Variants in VTI1A observed in about 807,000 individuals in gnomAD.
VTI1A encodes vesicle transport through interaction with t-SNAREs 1A.
A neutral mutation model predicts 34.9 loss-of-function variants in VTI1A; 22 were observed. The ratio of observed to expected loss-of-function variants is 0.63; its 90% CI spans 0.45 to 0.90. VTI1A has a LOEUF of 0.90. VTI1A is among the 40% of genes least tolerant of loss of function. VTI1A has a pLI of 0.00. For missense variants in VTI1A, 268 were observed against 275.6 expected, an observed-to-expected ratio of 0.97 and a Z score of 0.20; for synonymous variants, 87 against 97.3, an observed-to-expected ratio of 0.89 and a Z score of 0.62.
At position 112,770,662 on chromosome 10, in the gene VTI1A, T is replaced by C. The variant is rs1267455324; in HGVS notation, c.561-44628T>C. ...ACCTCGTGATCCACCCGACTCCACCTCCCAAAGTGCTGGGATTACAGGCTT... is the reference window on the plus strand; with the variant it reads ...ACCTCGTGATCCACCCGACTCCACCCCCCAAAGTGCTGGGATTACAGGCTT... On this transcript the variant is annotated intron_variant, in intron 7 of 7. Coordinates refer to ENST00000393077, the MANE Select transcript of VTI1A (RefSeq NM_145206.4). 3.3e-5 allele frequency among the ~76,000 whole-genome samples: 5 copies of C among 151,940 alleles called. No homozygotes were observed. The East Asian group carries it at 9.7e-4, about 30-fold the overall frequency.
chr10:112,648,493 A>G (rs1450513592), intron 5 of VTI1A, among the ~76,000 whole-genome samples: 1 of 152,210 alleles, frequency 6.6e-6, no homozygotes. Flanking sequence ...ACCATGATAA[A>G]TTAATTAAAT....
chr10:112,546,049 C>A (rs143339908), intron 5 of VTI1A, among the ~76,000 whole-genome samples: 1 of 145,154 alleles, frequency 6.9e-6, no homozygotes, highest in African/African-American at 2.7e-5. Context: ...TGTGTATATA[C>A]GTGTATACGC....
intron 5 of VTI1A, among the ~76,000 whole-genome samples, chr10:112,545,077 T>C (rs1851027178): frequency 6.6e-6 from 1 of 152,308 alleles, no homozygotes; most frequent in African/African-American, 2.4e-5. Context: ...ATTATAGTAA[T>C]CCAAGATTTG....
the VTI1A span, among the ~76,000 whole-genome samples, chr10:112,833,906 A>G: frequency 1.3e-5 from 2 of 152,180 alleles, no homozygotes; most frequent in South Asian, 2.1e-4. Context: ...CTATCCCTCC[A>G]AAGGGCTTCT....
intron 5 of VTI1A, among the ~76,000 whole-genome samples, chr10:112,613,558 A>G (rs1326187630): frequency 6.6e-6 from 1 of 151,626 alleles, no homozygotes; most frequent in Non-Finnish European, 1.5e-5. Context: ...CTCTTTTTGT[A>G]TCCCCTCTTT....
At chr10:112,583,184 C>T (rs1844016421) in intron 5 of VTI1A, among the ~76,000 whole-genome samples, 1 of 152,138 alleles carries the variant, frequency 6.6e-6, no homozygotes, top group Non-Finnish European at 1.5e-5. Context: ...TTCTCTTGTG[C>T]CTTCTGGCCC....
chr10:112,504,920 A>T (rs1691382839), intron 3 of VTI1A, among the ~76,000 whole-genome samples: 1 of 151,014 alleles, frequency 6.6e-6, no homozygotes, highest in South Asian at 2.1e-4. Context: ...AACCGTTCTT[A>T]TGCTTTGCTA....
At chr10:112,674,965 T>G (rs1197438708) in intron 7 of VTI1A, among the ~76,000 whole-genome samples, 1 of 152,206 alleles carries the variant, frequency 6.6e-6, no homozygotes, top group Non-Finnish European at 1.5e-5. Flanking sequence ...TTCCATTTCT[T>G]CTGTGAAATA....
chr10:112,767,500 C>T lies in VTI1A; in HGVS notation c.561-47790C>T, dbSNP rs1219329075. Among the ~76,000 whole-genome samples, 1 of 152,132 alleles carries T rather than the reference C, an allele frequency of 6.6e-6. No homozygotes were observed. Among genetic ancestry groups the T allele is most frequent in the Non-Finnish European group, 1.5e-5 (1 of 68,032 alleles). On this transcript the variant is annotated intron_variant, in intron 7 of 7. Transcript: ENST00000393077. This position sits in a 1 kb window ranked among gnomAD's most constrained non-coding sequence, Gnocchi z 4.0. ...AGTAAAATCTGTCAGATTAAAAGCA[C>T]AAGGAGAGAAACCATTCTAGTGTAT...
chr10:112,701,121 T>A (rs1409097868), intron 7 of VTI1A, among the ~76,000 whole-genome samples: 1 of 152,264 alleles, frequency 6.6e-6, no homozygotes, highest in African/African-American at 2.4e-5. Context: ...TTGGTGAGTC[T>A]GAATGGCATT....
At chr10:112,477,612 A>AG (rs1224504862) in intron 3 of VTI1A, among the ~76,000 whole-genome samples, 1 of 152,252 alleles carries the variant, frequency 6.6e-6, no homozygotes, top group African/African-American at 2.4e-5. Flanking sequence ...CATTATTAAA[A>AG]TGGAGAAAGA....
chr10:112,735,597 T>C (rs1011838293), intron 7 of VTI1A, among the ~76,000 whole-genome samples: 1 of 152,236 alleles, frequency 6.6e-6, no homozygotes, highest in African/African-American at 2.4e-5. Flanking sequence ...ATCAATACTT[T>C]GCCAAGTTCT....
intron 7 of VTI1A, among the ~76,000 whole-genome samples, chr10:112,710,314 T>C (rs1217404075): frequency 6.7e-6 from 1 of 150,320 alleles, no homozygotes; most frequent in Admixed American, 6.6e-5. Flanking sequence ...TTCAAATGAT[T>C]CTCCTGCCTC....
At chr10:112,510,932 A>G (rs1275925856) in intron 3 of VTI1A, among the ~76,000 whole-genome samples, 1 of 152,204 alleles carries the variant, frequency 6.6e-6, no homozygotes, top group Non-Finnish European at 1.5e-5. Context: ...TTTGAAAGGA[A>G]TCATGGTCTT....
At chr10:112,750,703 C>A (rs1049379303) in intron 7 of VTI1A, among the ~76,000 whole-genome samples, 1 of 152,104 alleles carries the variant, frequency 6.6e-6, no homozygotes, top group Non-Finnish European at 1.5e-5. Context: ...ACTGCTTATC[C>A]CTAATACTCT....
chr10:112,786,255 G>T (rs1438163640), intron 7 of VTI1A, among the ~76,000 whole-genome samples: 1 of 152,110 alleles, frequency 6.6e-6, no homozygotes, highest in Non-Finnish European at 1.5e-5. Context: ...GACTATTTGT[G>T]GCTATAGCAA....
intron 5 of VTI1A, among the ~76,000 whole-genome samples, 153 bp from the exon 6 acceptor site, chr10:112,668,065 G>C (rs1440596067): frequency 6.6e-6 from 1 of 152,040 alleles, no homozygotes; most frequent in Non-Finnish European, 1.5e-5. Context: ...ATCAAATACT[G>C]TTTATATTTT....
chr10:112,500,721 T>A (rs1849203853), intron 3 of VTI1A, among the ~76,000 whole-genome samples: 1 of 152,192 alleles, frequency 6.6e-6, no homozygotes, highest in African/African-American at 2.4e-5. Flanking sequence ...TTATACCTTT[T>A]AAGGCCTCCT....
At chr10:112,486,253 G>A (rs1420205074) in intron 3 of VTI1A, among the ~76,000 whole-genome samples, 5 of 152,166 alleles carry the variant, frequency 3.3e-5, no homozygotes, top group Non-Finnish European at 2.9e-5. Context: ...AGAAGGCCTG[G>A]ATTTAAATCC....
Sources: allele counts gnomAD v4.1 joint callset (sites outside exome capture counted in the v4.1 genomes callset), GRCh38; gene constraint gnomAD v4.1.1; non-coding constraint Gnocchi (gnomAD v3.1); transcripts MANE v1.5; gene names NCBI Gene and HGNC (gene_info 2026-07-23, HGNC 2026-07-21).